ZBTB7B: variants seen among roughly 807,000 people sequenced by gnomAD.
The protein encoded by ZBTB7B is zinc finger and BTB domain containing 7B, also known as zinc finger and BTB domain-containing protein 7B.
A neutral mutation model predicts 31.0 loss-of-function variants in ZBTB7B; 8 were observed. The observed-to-expected ratio is 0.26, with a 90% CI of 0.15 to 0.47. The LOEUF (loss-of-function observed/expected upper bound fraction) is 0.47, where lower values mean the gene tolerates loss of function less well. ZBTB7B is among the 20% of genes least tolerant of loss of function. The probability of loss-of-function intolerance (pLI) is 0.99; values close to 1 mark genes in which losing one functional copy is unlikely to be tolerated. For synonymous variants in ZBTB7B, 261 were observed against 307.3 expected (o/e 0.85, Z 1.58); for missense variants, 494 against 742.4 (o/e 0.67, Z 3.89).
intron 2 of ZBTB7B, 52 bp downstream of exon 2, chr1:155,015,866 G>C (rs763453350): frequency 1.8e-5 from 28 of 1,570,422 alleles, no homozygotes; most frequent in Non-Finnish European, 2.4e-5. Context: ...AGGGGACAGG[G>C]TGGGAGGAGA....
At chr1:155,010,837 GAAGT>G in intron 1 of ZBTB7B, 1 of 1,211,450 alleles carries the variant, frequency 8.3e-7, no homozygotes, top group Non-Finnish European at 1.2e-6. Context: ...AAAGGAGACA[GAAGT>G]AAGGGGGAGG....
chr1:155,015,273 C>G lies in ZBTB7B; in HGVS notation c.613C>G (p.Arg205Gly), dbSNP rs199978828. The G allele has an allele frequency of 2.0e-5, 33 of 1,613,606 alleles. No homozygotes were observed. Among genetic ancestry groups the G allele is most frequent in the Non-Finnish European group, 2.3e-5 (27 of 1,179,890 alleles). Residue 205 changes from arginine to glycine, a missense_variant, in exon 2 of 3, where the codon CGG becomes GGG. By Grantham distance (125) the Arg-to-Gly change is moderately radical. This residue lies in a region of ZBTB7B where 216 missense variants were observed against 229.3 expected (regional missense o/e 0.94). Transcript: ENST00000535420. ...TGTTGCCCGCCGCAGCCGCAAGCCC[C>G]GGAAAGCTTTCCTGCAAACCAAGGG... The part of the protein sequence containing the change: ...RPVARRSRKP[R>G]KAFLQTKGAR...
chr1:155,014,055 AC>A, intron 1 of ZBTB7B: 1 of 986,256 alleles, frequency 1.0e-6, no homozygotes, highest in South Asian at 4.7e-5. Context: ...GAGTTAAAGC[AC>A]CTGTCTGTGC....
chr1:155,005,901 C>T (rs1451581428), intron 1 of ZBTB7B, among the ~76,000 whole-genome samples: 1 of 152,192 alleles, frequency 6.6e-6, no homozygotes, highest in Admixed American at 6.5e-5. Flanking sequence ...AAGGCGGGCC[C>T]GGGGGACTGG....
At chr1:155,010,756 C>T (rs1571516733) in intron 1 of ZBTB7B, among the ~76,000 whole-genome samples, 2 of 152,094 alleles carry the variant, frequency 1.3e-5, no homozygotes, top group African/African-American at 4.8e-5. Context: ...GCCATGGCTT[C>T]GTGCAAACTT....
upstream of ZBTB7B, among the ~76,000 whole-genome samples, chr1:155,001,907 C>G (rs1036877795): frequency 6.6e-6 from 1 of 151,972 alleles, no homozygotes. The surrounding 1 kb of genome is among the most constrained non-coding windows in gnomAD (Gnocchi z 4.8). Flanking sequence ...CCCCCTCCCC[C>G]TCCCTTCTAG....
chr1:155,011,037 GA>G (rs753376273), intron 1 of ZBTB7B: 28 of 1,523,730 alleles, frequency 1.8e-5, no homozygotes, highest in South Asian at 1.7e-4. Flanking sequence ...GGAACCTGGG[GA>G]GGGGGGGCTC....
Position 155,015,619 on chromosome 1 carries a change from C to T in ZBTB7B, c.959C>T (p.Ser320Phe), listed in dbSNP as rs199787742. ...CCTGACCTGATGGCCTACCTAAGCT[C>T]CCTGCACCAGGACAACCTGGCACCA... Reference protein sequence around the residue: ...IDPDLMAYLSSLHQDNLAPGL... With the variant: ...IDPDLMAYLSFLHQDNLAPGL... The change falls in exon 2 of 3, where the codon TCC (serine) becomes TTC (phenylalanine). Residue 320 changes from serine (S) to phenylalanine (F), a missense_variant. By Grantham distance (155) the Ser-to-Phe change is radical. Around this residue, in one of 5 missense-constraint regions of ZBTB7B, gnomAD observed 216 missense variants for 229.3 expected, o/e 0.94. Transcript: ENST00000535420. 1.9e-6 allele frequency: 3 copies of T among 1,613,702 alleles called. No homozygotes were observed. Among genetic ancestry groups the T allele is most frequent in the Admixed American group, 1.7e-5 (1 of 60,024 alleles).
chr1:155,017,522 C>G lies in ZBTB7B; in HGVS notation c.*837C>G, dbSNP rs1163604390. ...CCTACCCTCTTCTCCTCCTCCCCATCTCCTCCCCGCCCAGGTGCGAGCCGG... is the reference window on the plus strand; with the variant it reads ...CCTACCCTCTTCTCCTCCTCCCCATGTCCTCCCCGCCCAGGTGCGAGCCGG... On this transcript the variant is annotated 3_prime_UTR_variant, in exon 3 of 3. Coordinates refer to ENST00000535420, the MANE Select transcript of ZBTB7B (RefSeq NM_001256455.2). 6.5e-6 allele frequency: 1 copy of G among 153,536 alleles called. No individual in the cohort carries two copies. The highest frequency in any genetic ancestry group is 1.9e-4 in the East Asian group (1 of 5,250). 9.5% of individuals were successfully genotyped at this position (153,536 alleles called of 1,614,324 possible). A position where few individuals can be genotyped will look rare whatever the true frequency, so the allele number is the denominator to read the frequency against.
intron 1 of ZBTB7B, chr1:155,014,320 GA>G: frequency 4.1e-6 from 1 of 244,998 alleles, no homozygotes; most frequent in Non-Finnish European, 7.9e-6. Context: ...GGACCTCCAT[GA>G]AAGGGCCAGA....
Position 155,018,484 on chromosome 1 carries a change from G to T in ZBTB7B, c.*1799G>T, listed in dbSNP as rs1659630868. 2 of 1,514,076 alleles carry T rather than the reference G, an allele frequency of 1.3e-6. No homozygotes were observed. The highest frequency in any genetic ancestry group is 1.4e-5 in the African/African-American group (1 of 72,356). 93.8% of individuals were successfully genotyped at this position (1,514,076 alleles called of 1,614,324 possible). On this transcript the variant is annotated 3_prime_UTR_variant, in exon 3 of 3. Transcript: ENST00000535420. Reference sequence around the variant, plus strand: ...CCCCACCCCAACTCCCCCACCTCGGGTGTAAGCGACAGGAAGAAATAATAA... The same window carrying T: ...CCCCACCCCAACTCCCCCACCTCGGTTGTAAGCGACAGGAAGAAATAATAA...
At chr1:155,001,906 C>T (rs1431854424), upstream of ZBTB7B, among the ~76,000 whole-genome samples, 1 of 151,954 alleles carries the variant, frequency 6.6e-6, no homozygotes, top group Non-Finnish European at 1.5e-5. The surrounding 1 kb of genome is among the most constrained non-coding windows in gnomAD (Gnocchi z 4.8). Flanking sequence ...TCCCCCTCCC[C>T]CTCCCTTCTA....
intron 1 of ZBTB7B, among the ~76,000 whole-genome samples, chr1:155,006,183 A>C (rs186499847): frequency 6.6e-6 from 1 of 152,278 alleles, no homozygotes; most frequent in East Asian, 1.9e-4. Context: ...CACAGGGACA[A>C]AGCTACCTTT....
chr1:155,017,348 G>GGGGGCAGTAGAGGCCA lies in ZBTB7B; in HGVS notation c.*676_*677insCCAGGGGCAGTAGAGG, dbSNP rs1558093618. On this transcript the variant is annotated 3_prime_UTR_variant, in exon 3 of 3. Transcript: ENST00000535420. ...TGGCCTGATTGGCTCGCCTGCCCCTGGGGGCAGTAGAGGGGCCCCGCCCAG... is the reference window on the plus strand; with the variant it reads ...TGGCCTGATTGGCTCGCCTGCCCCTGGGGGCAGTAGAGGCCAGGGGCAGTAGAGGGGCCCCGCCCAG... 1 of 104,936 alleles carries GGGGGCAGTAGAGGCCA rather than the reference G, an allele frequency of 9.5e-6. No homozygotes were observed. The highest frequency in any genetic ancestry group is 3.4e-5 in the African/African-American group (1 of 29,682). The allele number at this position is 104,936 out of a possible 1,614,324, so 6.5% of individuals were successfully genotyped here.
intron 1 of ZBTB7B, among the ~76,000 whole-genome samples, chr1:155,007,675 G>T (rs1176176812): frequency 6.6e-6 from 1 of 152,186 alleles, no homozygotes. Flanking sequence ...TGGCACCAAG[G>T]CACAGGGTGA....
chr1:155,011,452 C>T (rs1658972290), intron 1 of ZBTB7B, among the ~76,000 whole-genome samples: 1 of 152,252 alleles, frequency 6.6e-6, no homozygotes, highest in Non-Finnish European at 1.5e-5. Flanking sequence ...TGAAGTCTTC[C>T]CCCAACCAAG....
In ZBTB7B at chr1:155,016,844, AAGAAGGTATTGGGGC is replaced by A; in HGVS notation, c.*163_*177del. 1.7e-6 allele frequency: 1 copy of A among 586,616 alleles called. No homozygotes were observed. The allele number at this position is 586,616 out of a possible 1,614,324, so 36.3% of individuals were successfully genotyped here. A position where few individuals can be genotyped will look rare whatever the true frequency, so the allele number is the denominator to read the frequency against. ...AGAGCCCTCATTCCAATTCCAAGCT[AAGAAGGTATTGGGGC>A]AGAGGCTCCCCAAATTGGGGTGATC... On this transcript the variant is annotated 3_prime_UTR_variant, in exon 3 of 3. Transcript: ENST00000535420. The surrounding 1 kb of genome is among the most constrained non-coding windows in gnomAD (Gnocchi z 4.3).
At chr1:155,012,839 A>G (rs1483669589) in intron 1 of ZBTB7B, among the ~76,000 whole-genome samples, 1 of 149,264 alleles carries the variant, frequency 6.7e-6, no homozygotes, top group Non-Finnish European at 1.5e-5. Context: ...TTCCCCATCA[A>G]TGGCCAGGTC....
chr1:155,005,508 G>T (rs1658508464), intron 1 of ZBTB7B, among the ~76,000 whole-genome samples: 1 of 152,166 alleles, frequency 6.6e-6, no homozygotes, highest in African/African-American at 2.4e-5. Context: ...AATTCTTCTG[G>T]CCCAAGACCA....
Sources: allele counts gnomAD v4.1 joint callset (sites outside exome capture counted in the v4.1 genomes callset), GRCh38; gene constraint gnomAD v4.1.1; regional missense constraint gnomAD v4.1.1; non-coding constraint Gnocchi (gnomAD v3.1); transcripts MANE v1.5; gene names NCBI Gene and HGNC (gene_info 2026-07-23, HGNC 2026-07-21).